The following SLC7A2 variants were observed in gnomAD, a reference collection of about 807,000 sequenced individuals.
SLC7A2 encodes the protein solute carrier family 7 member 2.
In SLC7A2, 48 loss-of-function variants were observed where a neutral mutation model predicts 58.9. The ratio of observed to expected loss-of-function variants is 0.82; its 90% CI spans 0.65 to 1.04. SLC7A2 has a LOEUF of 1.04. SLC7A2 is among the 50% of genes least tolerant of loss of function. The pLI, the probability that SLC7A2 is intolerant of heterozygous loss-of-function variation, is 0.00. For synonymous variants in SLC7A2, 363 were observed against 314.5 expected, an observed-to-expected ratio of 1.15 and a Z score of -1.63; for missense variants, 1,029 against 818.8, an observed-to-expected ratio of 1.26 and a Z score of -3.13.
intron 8 of SLC7A2, among the ~76,000 whole-genome samples, chr8:17,557,161 T>C (rs1044630274): frequency 5.3e-5 from 8 of 152,216 alleles, no homozygotes; most frequent in African/African-American, 1.9e-4. Flanking sequence ...CATAGGATCA[T>C]TGACTCAAAG....
chr8:17,548,289 C>T lies in SLC7A2; in HGVS notation c.533-389C>T, dbSNP rs527263385. Among the ~76,000 whole-genome samples the T allele has an allele frequency of 5.1e-4, 77 of 151,944 alleles. No homozygotes were observed. The South Asian group carries it at 5.7e-3, about 11-fold the overall frequency. ...ACAGGTGGCAGAGGTTGCAGTGAGCCGAGATCATACCACTGCACTTCTGCC... is the reference window on the plus strand; with the variant it reads ...ACAGGTGGCAGAGGTTGCAGTGAGCTGAGATCATACCACTGCACTTCTGCC... On this transcript the variant is annotated intron_variant, in intron 4 of 12. Transcript: ENST00000494857.
At chr8:17,549,814 C>A (rs551635805) in intron 5 of SLC7A2, among the ~76,000 whole-genome samples, 2 of 152,250 alleles carry the variant, frequency 1.3e-5, no homozygotes, top group African/African-American at 4.8e-5. Context: ...ATAAAATATT[C>A]AATTTCATTA....
chr8:17,546,433 T>C (rs1300747246), intron 4 of SLC7A2, among the ~76,000 whole-genome samples: 3 of 152,218 alleles, frequency 2.0e-5, no homozygotes, highest in Non-Finnish European at 2.9e-5. Flanking sequence ...CGTGAAGCCG[T>C]TGTTTTACTA....
In SLC7A2 at chr8:17,568,015, A is replaced by G. The variant is rs951523740; in HGVS notation, c.*2869A>G. 7.0e-5 allele frequency: 1 copy of G among 14,236 alleles called. No individual in the cohort carries two copies. Among genetic ancestry groups the G allele is most frequent in the African/African-American group, 3.4e-4 (1 of 2,948 alleles). 0.9% of individuals were successfully genotyped at this position (14,236 alleles called of 1,614,324 possible). A position where few individuals can be genotyped will look rare whatever the true frequency, so the allele number is the denominator to read the frequency against. ...TGCTTGTGAATTCATAATGTTTTCA[A>G]CTAAATTTTTTTTTTCTTTCTCAGA... On this transcript the variant is annotated 3_prime_UTR_variant, in exon 13 of 13. Transcript: ENST00000494857.
In SLC7A2 at chr8:17,532,255, AAAAAC is replaced by A. The variant is rs1208585142; in HGVS notation, c.-22-11062_-22-11058del. Among the ~76,000 whole-genome samples the A allele has an allele frequency of 1.3e-3, 135 of 104,164 alleles. 9 individuals carry two copies. The highest frequency in any genetic ancestry group is 2.5e-3 in the Admixed American group (21 of 8,338). 68.3% of individuals were successfully genotyped at this position (104,164 alleles called of 152,430 possible). ...AAAAAAAAAAAAAAAAAAAAAAAAA[AAAAAC>A]CCCAGCAATTCTAGGGAGGAATAAT... On this transcript the variant is annotated intron_variant, in intron 2 of 12. Transcript: ENST00000494857.
chr8:17,519,850 C>T (rs5008593), intron 2 of SLC7A2, among the ~76,000 whole-genome samples: 1 of 151,286 alleles, frequency 6.6e-6, no homozygotes, highest in Admixed American at 6.6e-5. Flanking sequence ...TATGATGTCT[C>T]CTCCATAAAA....
Position 17,568,825 on chromosome 8 carries a change from A to T in SLC7A2, c.*3679A>T, listed in dbSNP as rs751964931. ...CAAAAAAAACAAAAATTAGCTGGGC[A>T]TGGTGGCATGCACATGTAGTCAGAG... On this transcript the variant is annotated 3_prime_UTR_variant, in exon 13 of 13. Transcript: ENST00000494857. 1 of 151,862 alleles carries T rather than the reference A, an allele frequency of 6.6e-6. No individual in the cohort carries two copies. Among genetic ancestry groups the T allele is most frequent in the African/African-American group, 2.4e-5 (1 of 41,288 alleles). 9.4% of individuals were successfully genotyped at this position (151,862 alleles called of 1,614,324 possible).
chr8:17,547,263 C>T (rs534329995), intron 4 of SLC7A2, among the ~76,000 whole-genome samples: 1 of 152,138 alleles, frequency 6.6e-6, no homozygotes, highest in Non-Finnish European at 1.5e-5. Flanking sequence ...GGGTGTCAGG[C>T]AAGAGAGCAT....
Position 17,567,107 on chromosome 8 carries a change from C to T in SLC7A2, c.*1961C>T, listed in dbSNP as rs1423344305. ...ACTTCCAGGGTGCACATGGTAAAATCTGAAGCCCAGAATTTTCTCTCAAGC... is the reference window on the plus strand; with the variant it reads ...ACTTCCAGGGTGCACATGGTAAAATTTGAAGCCCAGAATTTTCTCTCAAGC... On this transcript the variant is annotated 3_prime_UTR_variant, in exon 13 of 13. Transcript: ENST00000494857. 6.6e-6 allele frequency: 1 copy of T among 152,586 alleles called. No individual in the cohort carries two copies. Among genetic ancestry groups the T allele is most frequent in the South Asian group, 2.1e-4 (1 of 4,820 alleles). 9.5% of individuals were successfully genotyped at this position (152,586 alleles called of 1,614,324 possible).
In SLC7A2 at chr8:17,567,684, A is replaced by G. The variant is rs951854843; in HGVS notation, c.*2538A>G. On this transcript the variant is annotated 3_prime_UTR_variant, in exon 13 of 13. Coordinates refer to ENST00000494857, the MANE Select transcript of SLC7A2 (RefSeq NM_001370338.1). The stretch of plus-strand genomic sequence containing the variant: ...ACCCAACTGATGTGGAGAAAAATTG[A>G]TGTTTGATGTTGATAGATATGCTTA... 2.0e-5 allele frequency: 3 copies of G among 152,482 alleles called. No homozygotes were observed. The highest frequency in any genetic ancestry group is 7.2e-5 in the African/African-American group (3 of 41,440). 9.4% of individuals were successfully genotyped at this position (152,482 alleles called of 1,614,324 possible).
At chr8:17,533,523 C>A (rs1011466691) in intron 2 of SLC7A2, among the ~76,000 whole-genome samples, 1 of 152,238 alleles carries the variant, frequency 6.6e-6, no homozygotes, top group South Asian at 2.1e-4. Context: ...AATTAGGTAA[C>A]TTTTACGGGG....
chr8:17,562,262 G>T, intron 11 of SLC7A2, 152 bp downstream of exon 11: 1 of 777,556 alleles, frequency 1.3e-6, no homozygotes, highest in Admixed American at 3.2e-5. Context: ...GTGCAATGGA[G>T]CGAAGTGATC....
At chr8:17,543,210 A>G (rs75275939) in intron 2 of SLC7A2, 108 bp from the exon 3 acceptor site, 25,084 of 989,912 alleles carry the variant, frequency 0.025, 682 homozygotes, top group East Asian at 0.1. Flanking sequence ...ACACACACAC[A>G]CACACAAACA....
In SLC7A2 at chr8:17,543,400, A is replaced by G. The variant is rs763984962; in HGVS notation, c.61A>G (p.Thr21Ala). The change falls in exon 3 of 13, where the codon ACC becomes GCC. Residue 21 changes from threonine (T) to alanine (A), a missense_variant. Physicochemically the swap from Thr to Ala is moderately conservative, Grantham distance 58. Coordinates refer to ENST00000494857, the MANE Select transcript of SLC7A2 (RefSeq NM_001370338.1). ...ATGTCTGATCCGGAGAAAAATCGTG[A>G]CCCTGGACAGTCTAGAAGACACCAA... ...ARCLIRRKIV[T>A]LDSLEDTKLC... 1 of 1,614,084 alleles carries G rather than the reference A, an allele frequency of 6.2e-7. No individual in the cohort carries two copies. The highest frequency in any genetic ancestry group is 2.2e-5 in the East Asian group (1 of 44,864).
rs1044188822 is a variant in SLC7A2 at position 17,543,779 on chromosome 8, C to T, written c.376+64C>T. On this transcript the variant is annotated intron_variant, in intron 3 of 12. Coordinates refer to ENST00000494857, the MANE Select transcript of SLC7A2 (RefSeq NM_001370338.1). The stretch of plus-strand genomic sequence containing the variant: ...AGAAATCGCAGCCCTGAGTCACAGC[C>T]CTTAGGTTCAGTTGTAGGTGTTGGG... The T allele has an allele frequency of 1.6e-5, 23 of 1,438,166 alleles. No individual in the cohort carries two copies. The African/African-American group carries it at 3.0e-4, about 19-fold the overall frequency. 89.1% of individuals were successfully genotyped at this position (1,438,166 alleles called of 1,614,324 possible).
Position 17,550,232 on chromosome 8 carries a change from T to A in SLC7A2, c.699-69T>A. ...ACAACCACCTTCCAAGGATATAGTCTGAGAAAAGTCACCAGAAGGAGAGTT... is the reference window on the plus strand; with the variant it reads ...ACAACCACCTTCCAAGGATATAGTCAGAGAAAAGTCACCAGAAGGAGAGTT... On this transcript the variant is annotated intron_variant, in intron 5 of 12. Transcript: ENST00000494857. The A allele has an allele frequency of 2.0e-6, 3 of 1,478,198 alleles. No individual in the cohort carries two copies. The South Asian group carries it at 3.7e-5, about 18-fold the overall frequency. 91.6% of individuals were successfully genotyped at this position (1,478,198 alleles called of 1,614,324 possible). A position where few individuals can be genotyped will look rare whatever the true frequency, so the allele number is the denominator to read the frequency against.
chr8:17,519,101 C>G (rs572997281), intron 2 of SLC7A2, among the ~76,000 whole-genome samples: 3 of 152,242 alleles, frequency 2.0e-5, no homozygotes, highest in South Asian at 4.1e-4. Context: ...CATTGCAGGT[C>G]AGAACTTCAT....
intron 2 of SLC7A2, chr8:17,511,338 T>G (rs943627543): frequency 6.6e-6 from 1 of 152,202 alleles, no homozygotes; most frequent in Non-Finnish European, 1.5e-5. Flanking sequence ...GCAGCGTTGA[T>G]GTTTCCAGCA....
chr8:17,525,095 C>T (rs1291389983), intron 2 of SLC7A2, among the ~76,000 whole-genome samples: 1 of 152,114 alleles, frequency 6.6e-6, no homozygotes. Flanking sequence ...TTAAAAGGAT[C>T]CTTTCAGCCC....
Sources: gnomAD v4.1 joint callset for allele counts (sites outside exome capture counted in the v4.1 genomes callset) on GRCh38, gnomAD v4.1.1 for gene constraint, MANE v1.5 for transcripts, NCBI Gene and HGNC (gene_info 2026-07-23, HGNC 2026-07-21) for gene names.